MAGI2: variants seen among roughly 807,000 people sequenced by gnomAD.
The protein encoded by MAGI2 is membrane-associated guanylate kinase, WW and PDZ domain-containing protein 2.
A neutral mutation model predicts 133.3 loss-of-function variants in MAGI2; 35 were observed. That is an observed-to-expected ratio of 0.26 (90% CI 0.20 to 0.35). The LOEUF is 0.35. Ranked by LOEUF, MAGI2 falls within the 10% of genes least tolerant of loss-of-function variation. MAGI2 has a pLI of 1.00. For synonymous variants in MAGI2, 729 were observed against 710.6 expected, an observed-to-expected ratio of 1.03 and a Z score of -0.41; for missense variants, 1,636 against 1,863.4, an observed-to-expected ratio of 0.88 and a Z score of 2.25.
chr7:79,060,995 A>C (rs1023736235), intron 1 of MAGI2, among the ~76,000 whole-genome samples: 1 of 152,138 alleles, frequency 6.6e-6, no homozygotes, highest in Non-Finnish European at 1.5e-5. Flanking sequence ...GAGCCTATGC[A>C]GGGATTATCT....
intron 3 of MAGI2, among the ~76,000 whole-genome samples, chr7:78,527,006 CAAA>C (rs55707442): frequency 8.8e-5 from 4 of 45,404 alleles, no homozygotes; most frequent in East Asian, 8.4e-4. Context: ...GACTCCATCT[CAAA>C]AAAAAAAAAA....
chr7:79,391,512 T>TATATATATATATATATATAGAC (rs1844621292), intron 1 of MAGI2, among the ~76,000 whole-genome samples: 1 of 43,286 alleles, frequency 2.3e-5, no homozygotes, highest in Non-Finnish European at 3.6e-5. Flanking sequence ...TATAGACATA[T>TATATATATATATATATATAGAC]ATATATATAT....
intron 2 of MAGI2, among the ~76,000 whole-genome samples, chr7:78,755,597 G>A (rs1459515182): frequency 6.6e-6 from 1 of 152,164 alleles, no homozygotes; most frequent in Non-Finnish European, 1.5e-5. Flanking sequence ...AAATACCTCT[G>A]AAAGTCTGAT....
intron 3 of MAGI2, among the ~76,000 whole-genome samples, chr7:78,550,528 G>A (rs545258681): frequency 6.6e-6 from 1 of 152,172 alleles, no homozygotes; most frequent in South Asian, 2.1e-4. Flanking sequence ...TCTACTCCTG[G>A]AATAAGCCAG....
At chr7:78,669,410 G>T (rs192766729) in intron 2 of MAGI2, among the ~76,000 whole-genome samples, 2,245 of 152,058 alleles carry the variant, frequency 0.015, 65 homozygotes, top group African/African-American at 0.051. Flanking sequence ...AACAGGCTCT[G>T]AAATTGTGGC....
intron 21 of MAGI2, among the ~76,000 whole-genome samples, chr7:78,023,388 T>C (rs908922266): frequency 5.9e-5 from 9 of 152,220 alleles, no homozygotes; most frequent in African/African-American, 9.6e-5. Context: ...CCCTCCTTCC[T>C]TCCTTGCCTC....
intron 16 of MAGI2, among the ~76,000 whole-genome samples, chr7:78,155,270 T>C (rs913288875): frequency 3.3e-5 from 5 of 152,184 alleles, no homozygotes; most frequent in Non-Finnish European, 7.3e-5. Flanking sequence ...ATATTTTGCA[T>C]AATGGGACCA....
At chr7:78,204,104 T>A (rs1396140293) in intron 10 of MAGI2, among the ~76,000 whole-genome samples, 1 of 152,222 alleles carries the variant, frequency 6.6e-6, no homozygotes, top group Non-Finnish European at 1.5e-5. Flanking sequence ...AGATAAGACT[T>A]CTGAGATCTA....
intron 2 of MAGI2, among the ~76,000 whole-genome samples, chr7:78,791,366 C>T (rs73702973): frequency 0.065 from 9,850 of 151,968 alleles, 346 homozygotes; most frequent in Admixed American, 0.11. Flanking sequence ...GAGAAACAGG[C>T]ATTATTATTA....
intron 1 of MAGI2, among the ~76,000 whole-genome samples, chr7:79,081,650 G>T (rs1188255980): frequency 6.6e-6 from 1 of 152,140 alleles, no homozygotes; most frequent in Non-Finnish European, 1.5e-5. Context: ...AAATAAACAA[G>T]CTAAGAGTGC....
intron 2 of MAGI2, among the ~76,000 whole-genome samples, chr7:78,968,783 A>T (rs1401688005): frequency 6.6e-6 from 1 of 152,082 alleles, no homozygotes; most frequent in Non-Finnish European, 1.5e-5. Flanking sequence ...GATGTAGTTT[A>T]TTGAGACAGG....
At chr7:79,407,233 T>C (rs1212107796) in intron 1 of MAGI2, among the ~76,000 whole-genome samples, 1 of 152,184 alleles carries the variant, frequency 6.6e-6, no homozygotes, top group Non-Finnish European at 1.5e-5. Flanking sequence ...TCAGAACTGA[T>C]GACTGGCTAG....
chr7:78,033,134 G>C (rs1250347391), intron 21 of MAGI2, among the ~76,000 whole-genome samples: 3 of 152,126 alleles, frequency 2.0e-5, no homozygotes, highest in Admixed American at 6.5e-5. Context: ...GGGTGATCGT[G>C]ATGGAGGTAG....
Position 78,037,651 on chromosome 7 carries a change from A to C in MAGI2, c.3707-17675T>G, listed in dbSNP as rs6465965. On this transcript the variant is annotated intron_variant, in intron 21 of 21. Coordinates refer to ENST00000354212, the MANE Select transcript of MAGI2 (RefSeq NM_012301.4). ...TGAGCTGGAAAGAAAAACAAGAAGC[A>C]ATTTGACTATCCTTACAGATGGTGG... Among the ~76,000 whole-genome samples, 1,113 of 152,294 alleles carry C rather than the reference A, an allele frequency of 7.3e-3. 16 individuals carry two copies. Among genetic ancestry groups the C allele is most frequent in the African/African-American group, 0.025 (1,037 of 41,558 alleles).
intron 2 of MAGI2, among the ~76,000 whole-genome samples, chr7:78,913,808 T>G (rs1453637427): frequency 6.6e-6 from 1 of 152,160 alleles, no homozygotes; most frequent in Non-Finnish European, 1.5e-5. Flanking sequence ...CAAAGGACAT[T>G]TTTTTAAAAA....
chr7:78,334,324 G>A (rs149730933), intron 9 of MAGI2, among the ~76,000 whole-genome samples: 1 of 151,470 alleles, frequency 6.6e-6, no homozygotes, highest in African/African-American at 2.4e-5. Flanking sequence ...TGGACCTCAG[G>A]TTAATCCTCA....
At chr7:78,723,953 G>C (rs1269040324) in intron 2 of MAGI2, among the ~76,000 whole-genome samples, 1 of 152,066 alleles carries the variant, frequency 6.6e-6, no homozygotes, top group South Asian at 2.1e-4. Flanking sequence ...ATTGCCTGGA[G>C]AAAGAGGAAA....
intron 2 of MAGI2, among the ~76,000 whole-genome samples, chr7:78,827,217 G>T (rs533993632): frequency 7.2e-5 from 11 of 152,208 alleles, no homozygotes; most frequent in African/African-American, 2.4e-4. Flanking sequence ...CAAATATTGG[G>T]TTCTAATACC....
chr7:79,161,597 G>T (rs1206626583), intron 1 of MAGI2, among the ~76,000 whole-genome samples: 1 of 152,028 alleles, frequency 6.6e-6, no homozygotes, highest in African/African-American at 2.4e-5. Context: ...CTAATTATGA[G>T]GAGCTGCCAA....
Sources: gnomAD v4.1 joint callset for allele counts (sites outside exome capture counted in the v4.1 genomes callset) on GRCh38, gnomAD v4.1.1 for gene constraint, MANE v1.5 for transcripts, NCBI Gene and HGNC (gene_info 2026-07-23, HGNC 2026-07-21) for gene names.